The following HCN2 variants were observed in gnomAD, a reference collection of about 807,000 sequenced individuals.
HCN2 encodes the protein potassium/sodium hyperpolarization-activated cyclic nucleotide-gated channel 2.
A neutral mutation model predicts 52.3 loss-of-function variants in HCN2; 20 were observed. The observed-to-expected ratio is 0.38, with a 90% CI of 0.27 to 0.56. The LOEUF (loss-of-function observed/expected upper bound fraction) is 0.56, where lower values mean the gene tolerates loss of function less well. Ranked by LOEUF, HCN2 falls within the 20% of genes least tolerant of loss-of-function variation. The pLI, the probability that HCN2 is intolerant of heterozygous loss-of-function variation, is 0.71. For missense variants in HCN2, 981 were observed against 1,207.7 expected, an observed-to-expected ratio of 0.81 and a Z score of 2.78; for synonymous variants, 694 against 537.0, an observed-to-expected ratio of 1.29 and a Z score of -4.04.
At chr19:606,463 C>G (rs1232008859) in intron 3 of HCN2, among the ~76,000 whole-genome samples, 1 of 152,146 alleles carries the variant, frequency 6.6e-6, no homozygotes, top group African/African-American at 2.4e-5. Context: ...CCACTGCACT[C>G]CAGCCTGGGT....
chr19:608,685 G>A (rs908559913), intron 4 of HCN2, among the ~76,000 whole-genome samples: 1 of 152,086 alleles, frequency 6.6e-6, no homozygotes, highest in Non-Finnish European at 1.5e-5. Context: ...CCCCCGGGCT[G>A]AAGGGGCATT....
At position 590,172 on chromosome 19, in the gene HCN2, G is replaced by T; in HGVS notation, c.227G>T (p.Arg76Leu). The change falls in exon 1 of 8, where the codon CGC becomes CTC. Residue 76 changes from arginine to leucine, a missense_variant. Physicochemically the swap from Arg to Leu is moderately radical, Grantham distance 102. Coordinates refer to ENST00000251287, the MANE Select transcript of HCN2 (RefSeq NM_001194.4). The surrounding 1 kb of genome is among the most constrained non-coding windows in gnomAD (Gnocchi z 7.2). The part of the protein sequence containing the change: ...ADEGGPRGRL[R>L]SRDSSCGRPG... Reference sequence around the variant, plus strand: ...GAGGGCGGCCCGCGGGGCCGGCTCCGCAGCCGCGACAGCTCGTGCGGCCGC... The same window carrying T: ...GAGGGCGGCCCGCGGGGCCGGCTCCTCAGCCGCGACAGCTCGTGCGGCCGC... 4 of 977,136 alleles carry T rather than the reference G, an allele frequency of 4.1e-6. No homozygotes were observed. The South Asian group carries it at 1.8e-4, about 44-fold the overall frequency. The allele number at this position is 977,136 out of a possible 1,614,324, so 60.5% of individuals were successfully genotyped here.
At chr19:605,657 G>A (rs1377256094) in intron 3 of HCN2, among the ~76,000 whole-genome samples, 1 of 59,556 alleles carries the variant, frequency 1.7e-5, no homozygotes, top group East Asian at 4.4e-4. Context: ...GGACCCAGGC[G>A]CCCCCTTATG....
chr19:613,231 C>T lies in HCN2; in HGVS notation c.1585-17C>T, dbSNP rs759554908. 3.1e-6 allele frequency: 5 copies of T among 1,604,776 alleles called. No homozygotes were observed. The highest frequency in any genetic ancestry group is 3.4e-5 in the Admixed American group (2 of 58,864). On this transcript the variant is annotated splice_polypyrimidine_tract_variant and intron_variant, in intron 5 of 7. Coordinates refer to ENST00000251287, the MANE Select transcript of HCN2 (RefSeq NM_001194.4). The stretch of plus-strand genomic sequence containing the variant: ...AGTGGGGTCCGCAGCGGACCCAGCC[C>T]TGCCTCCCCCCTGCAGGAGATCGTC...
intron 1 of HCN2, among the ~76,000 whole-genome samples, chr19:596,568 T>G (rs1465449237): frequency 6.6e-6 from 1 of 152,210 alleles, no homozygotes; most frequent in African/African-American, 2.4e-5. Flanking sequence ...GGGATGGGTT[T>G]TAAATACAGG....
At chr19:614,362 G>C (rs931722287) in intron 7 of HCN2, among the ~76,000 whole-genome samples, 1 of 152,202 alleles carries the variant, frequency 6.6e-6, no homozygotes, top group African/African-American at 2.4e-5. Context: ...CCTGCTGTGT[G>C]CTGGGGGTGC....
At position 603,844 on chromosome 19, in the gene HCN2, C is replaced by A. The variant is rs149284832; in HGVS notation, c.933C>A (p.Gly311=). The A allele has an allele frequency of 1.3e-4, 214 of 1,612,532 alleles. No individual in the cohort carries two copies. Among genetic ancestry groups the A allele is most frequent in the Admixed American group, 1.8e-4 (11 of 60,000 alleles). ...ACATCTTCCTTATCGTGGAGAAGGG[C>A]ATTGACTCCGAGGTCTACAAGACGG... is the stretch of plus-strand genomic sequence containing the variant. The part of the protein sequence containing the change: ...VDYIFLIVEK[G]IDSEVYKTAR... Residue 311 remains glycine, a synonymous_variant, in exon 2 of 8, where the codon GGC becomes GGA. Transcript: ENST00000251287.
intron 1 of HCN2, among the ~76,000 whole-genome samples, chr19:596,648 G>C (rs1983039837): frequency 6.6e-6 from 1 of 152,242 alleles, no homozygotes; most frequent in Non-Finnish European, 1.5e-5. Context: ...ACTGGGGTTG[G>C]ACAAGGAGGG....
Position 615,950 on chromosome 19 carries a change from C to T in HCN2, c.2146C>T (p.Pro716Ser). The T allele has an allele frequency of 6.4e-7, 1 of 1,572,460 alleles. No homozygotes were observed. Among genetic ancestry groups the T allele is most frequent in the Middle Eastern group, 2.0e-4 (1 of 5,018 alleles). The change falls in exon 8 of 8, where the codon CCG becomes TCG. Residue 716 changes from proline (P) to serine (S), a missense_variant. Physicochemically the swap from Pro to Ser is moderately conservative, Grantham distance 74. This residue lies in a region of HCN2 where 368 missense variants were observed against 314.8 expected (regional missense o/e 1.17). Transcript: ENST00000251287. ...ELGQRVGLFP[P>S]PPPPPQVTSA... ...GGGTCAGCGCGTGGGCCTCTTCCCG[C>T]CGCCGCCGCCGCCGCCGCAGGTCAC...
chr19:604,478 G>T (rs1233904699), intron 2 of HCN2, among the ~76,000 whole-genome samples: 1 of 147,078 alleles, frequency 6.8e-6, no homozygotes, highest in Non-Finnish European at 1.5e-5. Context: ...CAAGCAGCAG[G>T]GGTGGGGCCG....
At chr19:595,322 T>C (rs1191004098) in intron 1 of HCN2, among the ~76,000 whole-genome samples, 2 of 132,198 alleles carry the variant, frequency 1.5e-5, no homozygotes, top group African/African-American at 6.0e-5. Context: ...CCCTGTGCGC[T>C]GGCCGCCTCT....
intron 1 of HCN2, among the ~76,000 whole-genome samples, chr19:600,868 G>A (rs140991710): frequency 0.012 from 1,763 of 152,212 alleles, 15 homozygotes; most frequent in Non-Finnish European, 0.018. Context: ...TTGTACAACC[G>A]TCACCACTAT....
intron 1 of HCN2, among the ~76,000 whole-genome samples, chr19:601,588 G>A (rs1266321566): frequency 1.3e-5 from 2 of 150,866 alleles, no homozygotes; most frequent in African/African-American, 2.5e-5. Context: ...CCGCAATCAA[G>A]CTGGTGTGAA....
At chr19:605,020 G>A in intron 2 of HCN2, 41 bp from the exon 3 acceptor site, 1 of 1,592,494 alleles carries the variant, frequency 6.3e-7, no homozygotes. Flanking sequence ...GTGGGGGCCG[G>A]GGGTCAGCGG....
In HCN2 at chr19:609,172, C is replaced by T. The variant is rs1405611557; in HGVS notation, c.1437+990C>T. ...CCCAAACATAAGCTGGTGCCACCAC[C>T]CGCCCGCCGTCACGGGTTCCGCTGA... On this transcript the variant is annotated intron_variant, in intron 4 of 7. Coordinates refer to ENST00000251287, the MANE Select transcript of HCN2 (RefSeq NM_001194.4). Among the ~76,000 whole-genome samples, 4 of 152,298 alleles carry T rather than the reference C, an allele frequency of 2.6e-5. No homozygotes were observed. The East Asian group carries it at 5.8e-4, about 22-fold the overall frequency.
chr19:613,202 C>G, intron 5 of HCN2, 46 bp from the exon 6 acceptor site: 1 of 1,561,158 alleles, frequency 6.4e-7, no homozygotes, highest in Non-Finnish European at 8.7e-7. Context: ...GAGGGGGAAG[C>G]GGGAGTGGGG....
intron 7 of HCN2, 50 bp from the exon 8 acceptor site, chr19:615,744 TG>T (rs776679789): frequency 6.3e-7 from 1 of 1,592,038 alleles, no homozygotes; most frequent in Non-Finnish European, 8.6e-7. Context: ...CGGTGCCCGC[TG>T]TACGCAGCAG....
chr19:603,993 A>G (rs1210189037), intron 2 of HCN2, 26 bp downstream of exon 2: 2 of 1,202,830 alleles, frequency 1.7e-6, no homozygotes, highest in African/African-American at 1.7e-5. Flanking sequence ...GGCGGGGCCA[A>G]GGCAGCAGGG....
At position 590,026 on chromosome 19, in the gene HCN2, GCCCGCGCCC is replaced by G; in HGVS notation, c.85_93del (p.Ala29_Pro31del). Reference sequence around the variant, plus strand: ...CGCCGGGGCCGCCGCCGCCGCCGCCGCCCGCGCCCCCCCAACAGCAGCCGCCGCCGCCGC... The same window carrying G: ...CGCCGGGGCCGCCGCCGCCGCCGCCGCCCCAACAGCAGCCGCCGCCGCCGC... On this transcript the variant is annotated inframe_deletion, in exon 1 of 8. Coordinates refer to ENST00000251287, the MANE Select transcript of HCN2 (RefSeq NM_001194.4). The surrounding 1 kb of genome is among the most constrained non-coding windows in gnomAD (Gnocchi z 7.2). The G allele has an allele frequency of 1.7e-6, 1 of 592,040 alleles. No individual in the cohort carries two copies. The highest frequency in any genetic ancestry group is 2.1e-6 in the Non-Finnish European group (1 of 484,066). 36.7% of individuals were successfully genotyped at this position (592,040 alleles called of 1,614,324 possible). A position where few individuals can be genotyped will look rare whatever the true frequency, so the allele number is the denominator to read the frequency against.
Sources: gnomAD v4.1 joint callset for allele counts (sites outside exome capture counted in the v4.1 genomes callset) on GRCh38, gnomAD v4.1.1 for gene constraint, gnomAD v4.1.1 regional missense constraint, Gnocchi (gnomAD v3.1) non-coding constraint, MANE v1.5 for transcripts, NCBI Gene and HGNC (gene_info 2026-07-23, HGNC 2026-07-21) for gene names.